ARHGAP15: variants seen among roughly 807,000 people sequenced by gnomAD.
ARHGAP15 encodes the protein Rho GTPase activating protein 15.
In ARHGAP15, 51 loss-of-function variants were observed where a neutral mutation model predicts 63.7. That is an observed-to-expected ratio of 0.80 (90% CI 0.64 to 1.01). The LOEUF (loss-of-function observed/expected upper bound fraction) is 1.01. Ranked by LOEUF, ARHGAP15 falls within the 50% of genes least tolerant of loss-of-function variation. The pLI, the probability that ARHGAP15 is intolerant of heterozygous loss-of-function variation, is 0.00. For synonymous variants in ARHGAP15, 191 were observed against 193.8 expected (o/e 0.99, Z 0.12); for missense variants, 560 against 564.6 (o/e 0.99, Z 0.08).
intron 11 of ARHGAP15, among the ~76,000 whole-genome samples, chr2:143,586,010 A>T (rs1215823328): frequency 6.6e-6 from 1 of 152,096 alleles, no homozygotes; most frequent in African/African-American, 2.4e-5. Context: ...AGTGTCTGCA[A>T]ATGGTCTTAT....
At chr2:143,631,938 G>A (rs914168333) in intron 12 of ARHGAP15, among the ~76,000 whole-genome samples, 2 of 151,970 alleles carry the variant, frequency 1.3e-5, no homozygotes, top group East Asian at 3.9e-4. Context: ...AGGCATTGCA[G>A]TTATTATTTT....
chr2:143,467,242 C>CTTTTTTTTTTTTTTT (rs202115707), intron 8 of ARHGAP15, among the ~76,000 whole-genome samples: 101 of 57,898 alleles, frequency 1.7e-3, no homozygotes, highest in Non-Finnish European at 2.0e-3. Context: ...ACTCCATGGC[C>CTTTTTTTTTTTTTTT]TTTTTTTTTT....
chr2:143,494,367 T>A (rs190344882), intron 9 of ARHGAP15, among the ~76,000 whole-genome samples: 10 of 152,282 alleles, frequency 6.6e-5, no homozygotes, highest in Admixed American at 2.6e-4. Flanking sequence ...TTTTTGCACA[T>A]CTCATTTCTC....
intron 2 of ARHGAP15, among the ~76,000 whole-genome samples, chr2:143,169,341 G>T (rs1418624780): frequency 3.3e-5 from 5 of 151,950 alleles, no homozygotes; most frequent in Non-Finnish European, 7.4e-5. Flanking sequence ...CCTTCATGGG[G>T]TGTTTTTACC....
intron 6 of ARHGAP15, chr2:143,344,220 T>C (rs879772714): frequency 6.6e-6 from 1 of 152,132 alleles, no homozygotes; most frequent in Non-Finnish European, 1.5e-5. Flanking sequence ...TCTTTAACCC[T>C]GAGTAGAAAA....
At chr2:143,546,315 A>C (rs1388779425) in intron 10 of ARHGAP15, among the ~76,000 whole-genome samples, 1 of 152,230 alleles carries the variant, frequency 6.6e-6, no homozygotes, top group East Asian at 1.9e-4. Context: ...ATCTATTTCA[A>C]GTATGATGGG....
Position 143,213,943 on chromosome 2 carries a change from G to T in ARHGAP15, c.235-2441G>T, listed in dbSNP as rs541358536. On this transcript the variant is annotated intron_variant, in intron 3 of 13. Coordinates refer to ENST00000295095, the MANE Select transcript of ARHGAP15 (RefSeq NM_018460.4). ...TCTCAAGTATTCTGGGAAAAGTCCT[G>T]CAGTGTCTGGGGAAATGTTACTTAT... Among the ~76,000 whole-genome samples, 71 of 152,214 alleles carry T rather than the reference G, an allele frequency of 4.7e-4. 1 individual carries two copies. The highest frequency in any genetic ancestry group is 1.7e-4 in the African/African-American group (7 of 41,444).
chr2:143,351,595 CT>C (rs1315793959), intron 6 of ARHGAP15, among the ~76,000 whole-genome samples: 6 of 152,128 alleles, frequency 3.9e-5, no homozygotes, highest in Non-Finnish European at 7.4e-5. Context: ...CAAGGAATGG[CT>C]TTTTAACCTG....
At position 143,250,491 on chromosome 2, in the gene ARHGAP15, CT is replaced by C. The variant is rs780477253; in HGVS notation, c.385-18del. 1.2e-6 allele frequency: 2 copies of C among 1,601,858 alleles called. No homozygotes were observed. Among genetic ancestry groups the C allele is most frequent in the Non-Finnish European group, 1.7e-6 (2 of 1,169,396 alleles). On this transcript the variant is annotated intron_variant, in intron 5 of 13. Transcript: ENST00000295095. ...ACAGTGTTGCATCCTCTTATTCTTACTTCATTTTTGTGATTACAGAAAACTG... is the reference window on the plus strand; with the variant it reads ...ACAGTGTTGCATCCTCTTATTCTTACTCATTTTTGTGATTACAGAAAACTG...
chr2:143,724,474 A>G (rs561979683), intron 13 of ARHGAP15, among the ~76,000 whole-genome samples: 20 of 152,334 alleles, frequency 1.3e-4, no homozygotes, highest in East Asian at 9.6e-4. Flanking sequence ...CTGGTGTAAA[A>G]TTGTAATTAA....
At chr2:143,362,723 CT>C in intron 6 of ARHGAP15, among the ~76,000 whole-genome samples, 1 of 152,164 alleles carries the variant, frequency 6.6e-6, no homozygotes, top group Non-Finnish European at 1.5e-5. Context: ...ATGAACTACT[CT>C]AACTACTTGG....
At chr2:143,393,726 TAAAAAAAAAAAAAAAAAAAAAAA>T (rs10593584) in intron 6 of ARHGAP15, among the ~76,000 whole-genome samples, 1 of 61,444 alleles carries the variant, frequency 1.6e-5, no homozygotes, top group Non-Finnish European at 3.0e-5. Flanking sequence ...AGACTCTGTC[TAAAAAAAAAAAAAAAAAAAAAAA>T]AAAAAGTGAA....
intron 8 of ARHGAP15, among the ~76,000 whole-genome samples, chr2:143,439,422 CAAAAAAAAAA>C (rs529113949): frequency 3.5e-4 from 11 of 31,744 alleles, no homozygotes; most frequent in East Asian, 1.0e-3. Flanking sequence ...GACTCTGTCT[CAAAAAAAAAA>C]AAAAAAAAAA....
intron 6 of ARHGAP15, among the ~76,000 whole-genome samples, chr2:143,326,614 C>T (rs1684261374): frequency 6.6e-6 from 1 of 152,122 alleles, no homozygotes; most frequent in Non-Finnish European, 1.5e-5. Flanking sequence ...ACTGTACATG[C>T]CACTCATTTT....
chr2:143,687,813 A>G (rs1683416980), intron 12 of ARHGAP15, among the ~76,000 whole-genome samples: 1 of 152,216 alleles, frequency 6.6e-6, no homozygotes, highest in Non-Finnish European at 1.5e-5. Flanking sequence ...ATAAATTTTA[A>G]AAATGAAAAA....
At chr2:143,389,348 C>T (rs1687443582) in intron 6 of ARHGAP15, among the ~76,000 whole-genome samples, 1 of 152,016 alleles carries the variant, frequency 6.6e-6, no homozygotes, top group South Asian at 2.1e-4. Context: ...CATGAATTCA[C>T]TTTACGGTTA....
At chr2:143,415,861 A>T (rs1160297704) in intron 6 of ARHGAP15, among the ~76,000 whole-genome samples, 1 of 152,182 alleles carries the variant, frequency 6.6e-6, no homozygotes, top group Non-Finnish European at 1.5e-5. Flanking sequence ...ATTCCAAGTG[A>T]AGTAACTCCC....
intron 2 of ARHGAP15, among the ~76,000 whole-genome samples, chr2:143,198,007 G>T (rs1691952328): frequency 6.6e-6 from 1 of 150,386 alleles, no homozygotes; most frequent in Non-Finnish European, 1.5e-5. Flanking sequence ...CACTTATATT[G>T]CTGGAGAAAC....
At position 143,673,758 on chromosome 2, in the gene ARHGAP15, G is replaced by GTATATATATATATATATATATA. The variant is rs70982879; in HGVS notation, c.1139-29656_1139-29635dup. Among the ~76,000 whole-genome samples, 185 of 22,086 alleles carry GTATATATATATATATATATATA rather than the reference G, an allele frequency of 8.4e-3. 21 individuals are homozygous for GTATATATATATATATATATATA. The highest frequency in any genetic ancestry group is 0.023 in the East Asian group (7 of 300). 14.5% of individuals were successfully genotyped at this position (22,086 alleles called of 152,430 possible). On this transcript the variant is annotated intron_variant, in intron 12 of 13. Transcript: ENST00000295095. ...TGTGTGTGTGTGTGTGTGTGTGTGT[G>GTATATATATATATATATATATA]TATATATATATATATATATATATAT...
Sources: allele counts gnomAD v4.1 joint callset (sites outside exome capture counted in the v4.1 genomes callset), GRCh38; gene constraint gnomAD v4.1.1; transcripts MANE v1.5; gene names NCBI Gene and HGNC (gene_info 2026-07-23, HGNC 2026-07-21).